The following TMTC1 variants were observed in gnomAD, a reference collection of about 807,000 sequenced individuals.
TMTC1 encodes transmembrane O-mannosyltransferase targeting cadherins 1.
In TMTC1, 73 loss-of-function variants were observed where a neutral mutation model predicts 104.8. The observed-to-expected ratio is 0.70, with a 90% confidence interval of 0.58 to 0.85. The LOEUF (loss-of-function observed/expected upper bound fraction) is 0.85, where lower values mean the gene tolerates loss of function less well. Ranked by LOEUF, TMTC1 falls within the 40% of genes least tolerant of loss-of-function variation. The pLI is 0.00. For synonymous variants in TMTC1, 434 were observed against 428.7 expected (o/e 1.01, Z -0.15); for missense variants, 1,035 against 1,096.1 (o/e 0.94, Z 0.79).
At position 29,618,492 on chromosome 12, in the gene TMTC1, T is replaced by C. The variant is rs1002292136; in HGVS notation, c.1129-14193A>G. The stretch of plus-strand genomic sequence containing the variant: ...ATTAAAGCTCATATTACAAACTTGT[T>C]TTCTTTCTAATATTCTATGCTTCCT... On this transcript the variant is annotated intron_variant, in intron 6 of 17. Transcript: ENST00000539277. Among the ~76,000 whole-genome samples, 5 of 152,336 alleles carry C rather than the reference T, an allele frequency of 3.3e-5. No individual in the cohort carries two copies. The East Asian group carries it at 9.6e-4, about 29-fold the overall frequency.
At chr12:29,543,396 T>C (rs299457) in intron 10 of TMTC1, among the ~76,000 whole-genome samples, 94,813 of 152,072 alleles carry the variant, frequency 0.62, 30,312 homozygotes, top group South Asian at 0.73. Context: ...AAACTGAAAG[T>C]AGATGCTTGC....
At chr12:29,702,013 C>T (rs1414656134) in intron 5 of TMTC1, among the ~76,000 whole-genome samples, 1 of 152,100 alleles carries the variant, frequency 6.6e-6, no homozygotes, top group African/African-American at 2.4e-5. Context: ...ACTGAGTTAA[C>T]TATTTTAGTC....
intron 2 of TMTC1, among the ~76,000 whole-genome samples, chr12:29,762,319 A>T (rs2120407044): frequency 6.6e-6 from 1 of 152,318 alleles, no homozygotes; most frequent in Admixed American, 6.5e-5. Context: ...AATTCATGAG[A>T]TGATATATAC....
At chr12:29,661,130 A>G (rs942857140) in intron 5 of TMTC1, among the ~76,000 whole-genome samples, 30 of 152,272 alleles carry the variant, frequency 2.0e-4, no homozygotes, top group African/African-American at 7.0e-4. Context: ...AAGGGAGACA[A>G]TAATAGTATC....
At chr12:29,653,927 A>G (rs1939638064) in intron 5 of TMTC1, among the ~76,000 whole-genome samples, 1 of 152,238 alleles carries the variant, frequency 6.6e-6, no homozygotes, top group Non-Finnish European at 1.5e-5. Flanking sequence ...TTAAATATTA[A>G]AAACATAATC....
chr12:29,764,333 T>A (rs672107), intron 2 of TMTC1, among the ~76,000 whole-genome samples: 37,036 of 151,912 alleles, frequency 0.24, 5,628 homozygotes, highest in Non-Finnish European at 0.35. Context: ...TAAAGTATAC[T>A]ATATGTATAA....
At chr12:29,726,376 T>C (rs1468308426) in intron 5 of TMTC1, among the ~76,000 whole-genome samples, 1 of 149,190 alleles carries the variant, frequency 6.7e-6, no homozygotes, top group East Asian at 2.0e-4. Flanking sequence ...GACATTTAAA[T>C]ACAATATTTA....
intron 6 of TMTC1, among the ~76,000 whole-genome samples, chr12:29,628,854 G>T (rs1035869196): frequency 6.6e-6 from 1 of 151,816 alleles, no homozygotes; most frequent in African/African-American, 2.4e-5. Context: ...TAGAGATGGG[G>T]TTTCACCATG....
At chr12:29,674,164 G>T (rs1940634012) in intron 5 of TMTC1, among the ~76,000 whole-genome samples, 3 of 152,078 alleles carry the variant, frequency 2.0e-5, no homozygotes, top group Admixed American at 2.0e-4. Flanking sequence ...AGGCCCTGGG[G>T]TCACAGAGAT....
intron 5 of TMTC1, among the ~76,000 whole-genome samples, chr12:29,646,146 C>T (rs1332050167): frequency 6.6e-6 from 1 of 152,148 alleles, no homozygotes; most frequent in African/African-American, 2.4e-5. Flanking sequence ...CATGGAGAAG[C>T]ACCCGCCTGA....
chr12:29,566,055 G>C (rs1468531150), intron 9 of TMTC1, among the ~76,000 whole-genome samples: 1 of 152,128 alleles, frequency 6.6e-6, no homozygotes, highest in Non-Finnish European at 1.5e-5. Context: ...GGTGATAAAT[G>C]GAGAAAAATG....
At chr12:29,691,881 T>G (rs1414481124) in intron 5 of TMTC1, among the ~76,000 whole-genome samples, 1 of 144,988 alleles carries the variant, frequency 6.9e-6, no homozygotes, top group Non-Finnish European at 1.5e-5. Context: ...GCTACTGCTG[T>G]GTCCAGAGGG....
chr12:29,675,373 A>G (rs1235211810), intron 5 of TMTC1, among the ~76,000 whole-genome samples: 2 of 152,184 alleles, frequency 1.3e-5, no homozygotes, highest in Non-Finnish European at 2.9e-5. Context: ...ATTTTCATCC[A>G]GTGTGACCAA....
intron 7 of TMTC1, 114 bp downstream of exon 7, chr12:29,604,064 T>C (rs1946632973): frequency 1.5e-6 from 2 of 1,363,196 alleles, no homozygotes; most frequent in Non-Finnish European, 2.0e-6. Context: ...AATAATAATA[T>C]CCCTTGTCCC....
intron 5 of TMTC1, among the ~76,000 whole-genome samples, chr12:29,650,418 C>T (rs1243535608): frequency 2.0e-5 from 3 of 152,070 alleles, no homozygotes; most frequent in Non-Finnish European, 2.9e-5. Context: ...CTTCTGTGAA[C>T]TGTCACCTCT....
intron 6 of TMTC1, among the ~76,000 whole-genome samples, chr12:29,627,607 A>C (rs1411643999): frequency 6.6e-6 from 1 of 151,864 alleles, no homozygotes; most frequent in Non-Finnish European, 1.5e-5. Flanking sequence ...ACTCCTAGTT[A>C]TATGCTATAG....
At chr12:29,704,649 G>A (rs1481019438) in intron 5 of TMTC1, among the ~76,000 whole-genome samples, 1 of 152,142 alleles carries the variant, frequency 6.6e-6, no homozygotes, top group African/African-American at 2.4e-5. Context: ...TCTAATTTAA[G>A]ACTTTATAAC....
chr12:29,599,732 T>C (rs968833458), intron 7 of TMTC1, among the ~76,000 whole-genome samples: 1 of 152,104 alleles, frequency 6.6e-6, no homozygotes, highest in Non-Finnish European at 1.5e-5. Context: ...GAAACAAATA[T>C]TTGATGAGCA....
chr12:29,630,935 T>C (rs1938263612), intron 6 of TMTC1, among the ~76,000 whole-genome samples: 1 of 152,210 alleles, frequency 6.6e-6, no homozygotes, highest in South Asian at 2.1e-4. Context: ...GGGAATCTTT[T>C]TAATGATAGT....
Sources: gnomAD v4.1 joint callset for allele counts (sites outside exome capture counted in the v4.1 genomes callset) on GRCh38, gnomAD v4.1.1 for gene constraint, MANE v1.5 for transcripts, NCBI Gene and HGNC (gene_info 2026-07-23, HGNC 2026-07-21) for gene names.